BICD1: variants seen among roughly 807,000 people sequenced by gnomAD.
The protein encoded by BICD1 is BICD cargo adaptor 1.
In BICD1, 35 loss-of-function variants were observed where a neutral mutation model predicts 92.5. The observed-to-expected ratio is 0.38, with a 90% CI of 0.29 to 0.50. The LOEUF (loss-of-function observed/expected upper bound fraction) is 0.50, where lower values mean the gene tolerates loss of function less well. Among genes scored for constraint, BICD1 ranks in the 20% least tolerant of loss-of-function variants. The pLI, the probability that BICD1 is intolerant of heterozygous loss-of-function variation, is 0.93. For synonymous variants in BICD1, 429 were observed against 465.1 expected, an observed-to-expected ratio of 0.92 and a Z score of 1.00; for missense variants, 950 against 1,189.8, an observed-to-expected ratio of 0.80 and a Z score of 2.97.
At chr12:32,230,863 C>T (rs1186053609) in intron 2 of BICD1, among the ~76,000 whole-genome samples, 1 of 103,456 alleles carries the variant, frequency 9.7e-6, no homozygotes, top group South Asian at 4.5e-4. Flanking sequence ...GCATTATGCA[C>T]ATCTGTGAAA....
chr12:32,172,515 A>G (rs1487547772), intron 1 of BICD1, among the ~76,000 whole-genome samples: 1 of 152,172 alleles, frequency 6.6e-6, no homozygotes, highest in Non-Finnish European at 1.5e-5. Flanking sequence ...ATCTGGTTGA[A>G]TTCACCTTGT....
intron 2 of BICD1, among the ~76,000 whole-genome samples, chr12:32,225,621 G>GTTTTTTGTTTTTTT (rs1555150865): frequency 1.1e-5 from 1 of 92,776 alleles, no homozygotes; most frequent in South Asian, 5.0e-4. Flanking sequence ...CTTTTTTTCT[G>GTTTTTTGTTTTTTT]TTTTTTTTTT....
intron 2 of BICD1, among the ~76,000 whole-genome samples, chr12:32,226,222 C>A (rs1945686498): frequency 6.6e-6 from 1 of 152,150 alleles, no homozygotes; most frequent in South Asian, 2.1e-4. Flanking sequence ...GCAGCCTCCA[C>A]CTCCTGGGTT....
At chr12:32,363,147 G>C (rs971211435) in intron 8 of BICD1, among the ~76,000 whole-genome samples, 13 of 152,050 alleles carry the variant, frequency 8.5e-5, no homozygotes, top group African/African-American at 3.1e-4. Flanking sequence ...TCTACGTGAG[G>C]CCCTTGTTTA....
At chr12:32,215,127 G>A (rs981732917) in intron 1 of BICD1, among the ~76,000 whole-genome samples, 1 of 152,156 alleles carries the variant, frequency 6.6e-6, no homozygotes, top group Non-Finnish European at 1.5e-5. Context: ...TACATGGGAG[G>A]CTGAAGTAGG....
At chr12:32,222,650 C>G (rs1428210051) in intron 2 of BICD1, among the ~76,000 whole-genome samples, 1 of 152,222 alleles carries the variant, frequency 6.6e-6, no homozygotes, top group Non-Finnish European at 1.5e-5. Flanking sequence ...CTGCTATGGT[C>G]TGAATGTGCC....
intron 4 of BICD1, among the ~76,000 whole-genome samples, chr12:32,306,397 C>T (rs1260848089): frequency 1.3e-5 from 2 of 151,852 alleles, no homozygotes; most frequent in Non-Finnish European, 2.9e-5. Context: ...GTGCCCGCCA[C>T]CATGCCCGGC....
chr12:32,142,488 A>G (rs991710810), intron 1 of BICD1, among the ~76,000 whole-genome samples: 3 of 53,650 alleles, frequency 5.6e-5, no homozygotes, highest in Non-Finnish European at 1.2e-4. Flanking sequence ...CTATCTATCT[A>G]TTGGTCTATC....
intron 8 of BICD1, chr12:32,339,913 T>C: frequency 4.5e-6 from 4 of 881,724 alleles, no homozygotes; most frequent in Non-Finnish European, 5.4e-6. Flanking sequence ...GCCCTAGGTC[T>C]GCGTTCACGC....
At chr12:32,197,331 A>C (rs1280014636) in intron 1 of BICD1, among the ~76,000 whole-genome samples, 1 of 152,060 alleles carries the variant, frequency 6.6e-6, no homozygotes, top group Non-Finnish European at 1.5e-5. Context: ...TTATATTTTA[A>C]ATGTCTACAT....
At chr12:32,321,991 T>A (rs563523033) in intron 4 of BICD1, among the ~76,000 whole-genome samples, 1 of 152,248 alleles carries the variant, frequency 6.6e-6, no homozygotes, top group South Asian at 2.1e-4. Context: ...AGAGTGAGAC[T>A]CCGTCTCAAA....
chr12:32,171,219 G>T (rs1005559523), intron 1 of BICD1, among the ~76,000 whole-genome samples: 3 of 152,190 alleles, frequency 2.0e-5, no homozygotes, highest in Admixed American at 2.0e-4. Context: ...CACACGTCAC[G>T]ATCAGGTGGG....
At chr12:32,269,537 G>T (rs1158806634) in intron 2 of BICD1, among the ~76,000 whole-genome samples, 1 of 152,162 alleles carries the variant, frequency 6.6e-6, no homozygotes, top group African/African-American at 2.4e-5. Context: ...AAAAGGAAGA[G>T]AATTAGAGAA....
intron 1 of BICD1, among the ~76,000 whole-genome samples, chr12:32,191,505 CTG>C (rs1944565239): frequency 6.6e-6 from 1 of 150,448 alleles, no homozygotes; most frequent in South Asian, 2.1e-4. Context: ...TGTGCTCACT[CTG>C]TGTCTCTGTG....
intron 2 of BICD1, among the ~76,000 whole-genome samples, chr12:32,280,229 T>C (rs1947379626): frequency 6.6e-6 from 1 of 152,204 alleles, no homozygotes; most frequent in Admixed American, 6.5e-5. Flanking sequence ...GGCCTAAGAA[T>C]TAAACTTATA....
At chr12:32,275,235 A>G (rs773799119) in intron 2 of BICD1, among the ~76,000 whole-genome samples, 7 of 152,166 alleles carry the variant, frequency 4.6e-5, no homozygotes, top group Non-Finnish European at 1.0e-4. Flanking sequence ...TATGCTAACT[A>G]TGTTGGTTTT....
Position 32,380,719 on chromosome 12 carries a change from T to C in BICD1, c.*3092T>C, listed in dbSNP as rs116592598. On this transcript the variant is annotated 3_prime_UTR_variant, in exon 10 of 10. Transcript: ENST00000652176. ...TATCCAACTCTGGATTCTAATAAAA[T>C]AATTTGGAGAACTTTGAGAAAAAGG... 6.2e-4 allele frequency: 95 copies of C among 152,220 alleles called. No homozygotes were observed. Among genetic ancestry groups the C allele is most frequent in the African/African-American group, 2.1e-3 (87 of 41,568 alleles). The allele number at this position is 152,220 out of a possible 1,614,324, so 9.4% of individuals were successfully genotyped here.
chr12:32,270,866 C>T (rs1436473610), intron 2 of BICD1, among the ~76,000 whole-genome samples: 1 of 152,142 alleles, frequency 6.6e-6, no homozygotes, highest in East Asian at 1.9e-4. Flanking sequence ...TCTGATGGGA[C>T]CTTGCTCCGT....
At chr12:32,229,288 A>G (rs1265827600) in intron 2 of BICD1, among the ~76,000 whole-genome samples, 1 of 152,086 alleles carries the variant, frequency 6.6e-6, no homozygotes, top group Non-Finnish European at 1.5e-5. Flanking sequence ...TGGATCCATC[A>G]GTAGATAGAT....
Sources: allele counts gnomAD v4.1 joint callset (sites outside exome capture counted in the v4.1 genomes callset), GRCh38; gene constraint gnomAD v4.1.1; transcripts MANE v1.5; gene names NCBI Gene and HGNC (gene_info 2026-07-23, HGNC 2026-07-21).